The following PDE8A variants were observed in gnomAD, a reference collection of about 807,000 sequenced individuals.
The protein encoded by PDE8A is high affinity cAMP-specific and IBMX-insensitive 3',5'-cyclic phosphodiesterase 8A.
In PDE8A, 59 loss-of-function variants were observed where a neutral mutation model predicts 105.0. That is an observed-to-expected ratio of 0.56 (90% CI 0.46 to 0.70). The LOEUF (loss-of-function observed/expected upper bound fraction) is 0.70, where lower values mean the gene tolerates loss of function less well. Among genes scored for constraint, PDE8A ranks in the 30% least tolerant of loss-of-function variants. PDE8A has a pLI of 0.00. For missense variants in PDE8A, 1,014 were observed against 1,045.9 expected (o/e 0.97, Z 0.42); for synonymous variants, 355 against 371.9 (o/e 0.95, Z 0.52).
intron 5 of PDE8A, among the ~76,000 whole-genome samples, chr15:85,082,563 G>T (rs1055248869): frequency 6.6e-6 from 1 of 152,120 alleles, no homozygotes; most frequent in Non-Finnish European, 1.5e-5. Context: ...CCTGATCACA[G>T]TTCAGACGGG....
chr15:85,090,548 A>G (rs764736669), intron 7 of PDE8A, among the ~76,000 whole-genome samples: 4 of 152,188 alleles, frequency 2.6e-5, no homozygotes, highest in Non-Finnish European at 5.9e-5. Context: ...TATTCGAACC[A>G]TATGAAAGAG....
At chr15:85,062,836 A>T (rs1287332022) in intron 1 of PDE8A, 1 of 152,264 alleles carries the variant, frequency 6.6e-6, no homozygotes, top group African/African-American at 2.4e-5. Flanking sequence ...AATATTGTCT[A>T]GGTGGGGAAA....
intron 1 of PDE8A, among the ~76,000 whole-genome samples, chr15:85,061,803 T>C (rs763555282): frequency 1.3e-5 from 2 of 152,196 alleles, no homozygotes; most frequent in Non-Finnish European, 2.9e-5. Flanking sequence ...GTTTTTTCTC[T>C]TTCCCAGACT....
chr15:85,067,498 A>G (rs1250443701), intron 3 of PDE8A, among the ~76,000 whole-genome samples: 1 of 152,212 alleles, frequency 6.6e-6, no homozygotes, highest in Admixed American at 6.5e-5. Flanking sequence ...TGCAGTAAGA[A>G]TTATAATTTT....
chr15:85,122,577 A>G lies in PDE8A; in HGVS notation c.1953-484A>G, dbSNP rs2082198429. Among the ~76,000 whole-genome samples, 3 of 152,214 alleles carry G rather than the reference A, an allele frequency of 2.0e-5. No homozygotes were observed. The East Asian group carries it at 5.8e-4, about 29-fold the overall frequency. ...AGGGATTGAATAGAGACTTTGTTTC[A>G]TATTCATACCCCTTCAAATTTTGAA... On this transcript the variant is annotated intron_variant, in intron 18 of 21. Transcript: ENST00000394553.
At chr15:85,082,460 T>C (rs2081482436) in intron 5 of PDE8A, among the ~76,000 whole-genome samples, 1 of 152,200 alleles carries the variant, frequency 6.6e-6, no homozygotes, top group Non-Finnish European at 1.5e-5. Flanking sequence ...GGAAACAGGC[T>C]CAGGAATGTT....
At chr15:85,110,566 C>T (rs2082006956) in intron 12 of PDE8A, among the ~76,000 whole-genome samples, 1 of 152,166 alleles carries the variant, frequency 6.6e-6, no homozygotes, top group Non-Finnish European at 1.5e-5. Context: ...TTGTTTGTGT[C>T]TAGCTTCTTG....
intron 1 of PDE8A, among the ~76,000 whole-genome samples, chr15:84,990,578 TTAAAG>T (rs1304911170): frequency 2.6e-5 from 4 of 152,242 alleles, no homozygotes; most frequent in African/African-American, 4.8e-5. Flanking sequence ...TTTTTTCTAA[TTAAAG>T]TAGTCTGTTA....
At chr15:85,044,545 C>G (rs942629553) in intron 1 of PDE8A, among the ~76,000 whole-genome samples, 2 of 152,184 alleles carry the variant, frequency 1.3e-5, no homozygotes, top group African/African-American at 4.8e-5. Flanking sequence ...TTCCATGCCA[C>G]AATGATAGAA....
At chr15:85,089,484 C>T (rs534630396) in intron 7 of PDE8A, 68 bp downstream of exon 7, 12 of 816,288 alleles carry the variant, frequency 1.5e-5, no homozygotes, top group Non-Finnish European at 2.4e-5. Context: ...TAGGATTGAA[C>T]CTCTCCAATA....
At chr15:85,097,898 G>A (rs1443922542) in intron 8 of PDE8A, 50 bp from the exon 9 acceptor site, 4 of 1,026,296 alleles carry the variant, frequency 3.9e-6, no homozygotes, top group Middle Eastern at 2.5e-4. Context: ...AATGTTCTTG[G>A]GTTTATGTTT....
At chr15:85,090,422 GCA>G (rs993083538) in intron 7 of PDE8A, among the ~76,000 whole-genome samples, 1 of 152,156 alleles carries the variant, frequency 6.6e-6, no homozygotes, top group African/African-American at 2.4e-5. Flanking sequence ...ATTAGCACGT[GCA>G]CAGTTTTCCC....
chr15:85,006,265 ATT>A (rs2080145738), intron 1 of PDE8A, among the ~76,000 whole-genome samples: 1 of 151,802 alleles, frequency 6.6e-6, no homozygotes, highest in South Asian at 2.1e-4. Context: ...AAGTATTATT[ATT>A]ATAATAATAA....
chr15:85,118,867 C>T (rs1390725380), intron 17 of PDE8A, among the ~76,000 whole-genome samples: 1 of 152,196 alleles, frequency 6.6e-6, no homozygotes, highest in Non-Finnish European at 1.5e-5. Context: ...ACATCTGGCA[C>T]ACACAGGGAG....
chr15:84,997,859 T>A (rs2080005182), intron 1 of PDE8A, among the ~76,000 whole-genome samples: 1 of 152,230 alleles, frequency 6.6e-6, no homozygotes, highest in South Asian at 2.1e-4. Flanking sequence ...CCTCCCAAAG[T>A]GCTGGGATTG....
At chr15:85,083,841 A>C (rs991029539) in intron 6 of PDE8A, among the ~76,000 whole-genome samples, 197 bp downstream of exon 6, 2 of 152,162 alleles carry the variant, frequency 1.3e-5, no homozygotes, top group African/African-American at 4.8e-5. Flanking sequence ...GTGATTAGAG[A>C]CTCACATTTA....
intron 1 of PDE8A, among the ~76,000 whole-genome samples, chr15:85,004,759 C>T (rs1368663333): frequency 6.6e-6 from 1 of 152,072 alleles, no homozygotes; most frequent in Middle Eastern, 3.2e-3. Context: ...TACTTGAACA[C>T]AACCAAGTTG....
chr15:85,091,120 C>T lies in PDE8A; in HGVS notation c.791C>T (p.Pro264Leu), dbSNP rs1002763783. Residue 264 changes from proline to leucine, a missense_variant, in exon 8 of 22, where the codon CCT becomes CTT. Physicochemically the swap from Pro to Leu is moderately conservative, Grantham distance 98 (BLOSUM62 -3). Transcript: ENST00000394553. ...ELIGKELGEV[P>L]INEKKADLLD... ...ATAGGGAAGGAGTTAGGAGAAGTGCCTATAAATGAAAAAAAGGCTGACTTG... is the reference window on the plus strand; with the variant it reads ...ATAGGGAAGGAGTTAGGAGAAGTGCTTATAAATGAAAAAAAGGCTGACTTG... 2.2e-5 allele frequency: 36 copies of T among 1,612,342 alleles called. No homozygotes were observed. The highest frequency in any genetic ancestry group is 2.8e-5 in the Non-Finnish European group (33 of 1,179,058).
chr15:85,072,572 A>G (rs1026910352), intron 3 of PDE8A, among the ~76,000 whole-genome samples: 1 of 152,192 alleles, frequency 6.6e-6, no homozygotes, highest in Non-Finnish European at 1.5e-5. Context: ...GAATGTGGAC[A>G]TTATGGCTAG....
Sources: gnomAD v4.1 joint callset for allele counts (sites outside exome capture counted in the v4.1 genomes callset) on GRCh38, gnomAD v4.1.1 for gene constraint, MANE v1.5 for transcripts, NCBI Gene and HGNC (gene_info 2026-07-23, HGNC 2026-07-21) for gene names.